NXN: variants seen among roughly 807,000 people sequenced by gnomAD.
The protein encoded by NXN is nucleoredoxin 1.
A neutral mutation model predicts 48.6 loss-of-function variants in NXN; 16 were observed. The observed-to-expected ratio is 0.33, with a 90% CI of 0.22 to 0.50. The LOEUF (loss-of-function observed/expected upper bound fraction) is 0.50, where lower values mean the gene tolerates loss of function less well. NXN is among the 20% of genes least tolerant of loss of function. The pLI, the probability that NXN is intolerant of heterozygous loss-of-function variation, is 0.98. For missense variants in NXN, 492 were observed against 605.5 expected, an observed-to-expected ratio of 0.81 and a Z score of 1.97; for synonymous variants, 281 against 269.6, an observed-to-expected ratio of 1.04 and a Z score of -0.41.
At chr17:952,060 T>G in intron 1 of NXN, among the ~76,000 whole-genome samples, 1 of 152,094 alleles carries the variant, frequency 6.6e-6, no homozygotes, top group South Asian at 2.1e-4. Context: ...GCGTTTCCGT[T>G]TTTGTGGGGG....
intron 1 of NXN, among the ~76,000 whole-genome samples, chr17:915,587 T>C (rs2068680577): frequency 6.6e-6 from 1 of 152,182 alleles, no homozygotes; most frequent in African/African-American, 2.4e-5. Context: ...ACCTGGACTC[T>C]AGGAAATTAT....
At chr17:963,257 G>GA (rs531508066) in intron 1 of NXN, among the ~76,000 whole-genome samples, 264 of 141,562 alleles carry the variant, frequency 1.9e-3, no homozygotes, top group African/African-American at 7.4e-3. Context: ...CATTTTATTT[G>GA]AAATTTTTTT....
At chr17:927,606 G>C (rs901071661) in intron 1 of NXN, among the ~76,000 whole-genome samples, 4 of 123,168 alleles carry the variant, frequency 3.2e-5, no homozygotes, top group African/African-American at 6.3e-5. Flanking sequence ...AAAAGCAAAA[G>C]TAGCCAGGAT....
intron 1 of NXN, among the ~76,000 whole-genome samples, chr17:870,785 C>T (rs890165112): frequency 2.0e-5 from 3 of 151,850 alleles, no homozygotes; most frequent in Non-Finnish European, 4.4e-5. Context: ...CTTATCCACC[C>T]CACCCAGTCT....
At position 956,606 on chromosome 17, in the gene NXN, G is replaced by T. The variant is rs2069171577; in HGVS notation, c.360+22713C>A. On this transcript the variant is annotated intron_variant, in intron 1 of 7. Coordinates refer to ENST00000336868, the MANE Select transcript of NXN (RefSeq NM_022463.5). This position sits in a 1 kb window ranked among gnomAD's most constrained non-coding sequence, Gnocchi z 4.1. Reference sequence around the variant, plus strand: ...TTTTTTGTATTTTTAGTAGCAATGGGGTTTCACCGTGTTAGCCAGGATGGT... The same window carrying T: ...TTTTTTGTATTTTTAGTAGCAATGGTGTTTCACCGTGTTAGCCAGGATGGT... 6.6e-6 allele frequency among the ~76,000 whole-genome samples: 1 copy of T among 152,012 alleles called. No individual in the cohort carries two copies. Among genetic ancestry groups the T allele is most frequent in the African/African-American group, 2.4e-5 (1 of 41,364 alleles).
chr17:810,208 G>A (rs1233883823), intron 5 of NXN, among the ~76,000 whole-genome samples: 5 of 134,306 alleles, frequency 3.7e-5, no homozygotes, highest in Non-Finnish European at 8.2e-5. Flanking sequence ...TGTGAGTGGC[G>A]TGCACGTTAC....
chr17:955,270 C>T (rs2069153511), intron 1 of NXN, among the ~76,000 whole-genome samples: 3 of 150,256 alleles, frequency 2.0e-5, no homozygotes, highest in South Asian at 2.1e-4. Flanking sequence ...CGGGTTCAAG[C>T]GATTCTCCTG....
intron 1 of NXN, among the ~76,000 whole-genome samples, chr17:831,060 T>C (rs1913434235): frequency 1.3e-5 from 2 of 150,250 alleles, no homozygotes; most frequent in Admixed American, 6.7e-5. Context: ...GAAAAGAAAT[T>C]TGAGAGCGAA....
At chr17:821,822 C>T (rs1347892369) in intron 4 of NXN, among the ~76,000 whole-genome samples, 3 of 152,072 alleles carry the variant, frequency 2.0e-5, no homozygotes, top group African/African-American at 7.2e-5. Flanking sequence ...TGGCTCTTTT[C>T]CATCCTCCCC....
At chr17:835,022 C>G (rs1432924613) in intron 1 of NXN, among the ~76,000 whole-genome samples, 1 of 151,498 alleles carries the variant, frequency 6.6e-6, no homozygotes, top group Non-Finnish European at 1.5e-5. Flanking sequence ...GAAAACGTCA[C>G]AGCAGGCCTG....
chr17:906,226 G>A (rs1301129358), intron 1 of NXN, among the ~76,000 whole-genome samples: 3 of 152,194 alleles, frequency 2.0e-5, no homozygotes, highest in East Asian at 1.9e-4. Flanking sequence ...AGCTAGTGGC[G>A]GCCCCTGGAC....
chr17:973,016 G>A (rs1230465854), intron 1 of NXN, among the ~76,000 whole-genome samples: 3 of 150,660 alleles, frequency 2.0e-5, no homozygotes, highest in Non-Finnish European at 1.5e-5. Context: ...GGGCGACAGA[G>A]CGAGACTGCG....
intron 1 of NXN, among the ~76,000 whole-genome samples, chr17:873,390 GGGAGGCTGAGACA>G (rs984432860): frequency 6.6e-6 from 1 of 150,900 alleles, no homozygotes; most frequent in African/African-American, 2.4e-5. Context: ...CCAGCTACCT[GGGAGGCTGAGACA>G]GGAGAATTGC....
chr17:921,362 G>A (rs2068748694), intron 1 of NXN, among the ~76,000 whole-genome samples: 1 of 152,208 alleles, frequency 6.6e-6, no homozygotes, highest in South Asian at 2.1e-4. Context: ...TCTCAGCGGG[G>A]CCACCAACAA....
In NXN at chr17:826,050, G is replaced by C. The variant is rs1430211040; in HGVS notation, c.389C>G (p.Ser130Cys). 6.2e-7 allele frequency: 1 copy of C among 1,613,918 alleles called. No individual in the cohort carries two copies. Among genetic ancestry groups the C allele is most frequent in the South Asian group, 1.1e-5 (1 of 91,076 alleles). Reference protein sequence around the residue: ...KLKLWNKYRISNIPSLIFLDA... With the variant: ...KLKLWNKYRICNIPSLIFLDA... ...GAGGAATATTAGTGATGGAATGTTG[G>C]AAATTCGGTATTTGTTCCAAAGTTT... is the stretch of plus-strand genomic sequence containing the variant. Residue 130 changes from serine to cysteine, a missense_variant, in exon 2 of 8, where the codon TCC (serine) becomes TGC (cysteine). By Grantham distance (112) the Ser-to-Cys change is moderately radical. This residue lies in a region of NXN where 186 missense variants were observed against 199.1 expected (regional missense o/e 0.93). Transcript: ENST00000336868.
chr17:856,816 C>T (rs573428815), intron 1 of NXN, among the ~76,000 whole-genome samples: 14 of 152,146 alleles, frequency 9.2e-5, no homozygotes, highest in Admixed American at 7.2e-4. Context: ...ATCCTGTTCA[C>T]ACTGCCTAGG....
At chr17:846,622 G>A (rs890818210) in intron 1 of NXN, among the ~76,000 whole-genome samples, 2 of 151,968 alleles carry the variant, frequency 1.3e-5, no homozygotes, top group Non-Finnish European at 2.9e-5. Context: ...TTTATTGGCC[G>A]GAGTCGGGTC....
chr17:811,184 A>G (rs1279141810), intron 5 of NXN, among the ~76,000 whole-genome samples: 3 of 152,162 alleles, frequency 2.0e-5, no homozygotes, highest in Admixed American at 2.0e-4. Context: ...TCAACGCTGG[A>G]GGAGCAAAGG....
At chr17:853,723 A>ATATATTTTT (rs1491528474) in intron 1 of NXN, among the ~76,000 whole-genome samples, 5 of 105,998 alleles carry the variant, frequency 4.7e-5, no homozygotes, top group African/African-American at 1.7e-4. Context: ...ATATATATAT[A>ATATATTTTT]TTTTTTTTTT....
Sources: gnomAD v4.1 joint callset for allele counts (sites outside exome capture counted in the v4.1 genomes callset) on GRCh38, gnomAD v4.1.1 for gene constraint, gnomAD v4.1.1 regional missense constraint, Gnocchi (gnomAD v3.1) non-coding constraint, MANE v1.5 for transcripts, NCBI Gene and HGNC (gene_info 2026-07-23, HGNC 2026-07-21) for gene names.